Variants in TEF observed in about 807,000 individuals in gnomAD.
TEF encodes the protein thyrotroph embryonic factor.
Under a neutral mutation model 20.8 loss-of-function variants are expected in TEF, and 3 were observed. That is an observed-to-expected ratio of 0.14 (90% CI 0.07 to 0.37). The LOEUF is 0.37. Ranked by LOEUF, TEF falls within the 10% of genes least tolerant of loss-of-function variation. TEF has a pLI of 1.00. For missense variants in TEF, 296 were observed against 397.9 expected (o/e 0.74, Z 2.18); for synonymous variants, 180 against 171.1 (o/e 1.05, Z -0.41).
At chr22:41,367,696 C>A in intron 1 of TEF, 2 of 1,260,522 alleles carry the variant, frequency 1.6e-6, no homozygotes, top group Admixed American at 2.1e-5. Flanking sequence ...CATCTCCAAG[C>A]CAGGGAGGGT....
At position 41,387,331 on chromosome 22, in the gene TEF, C is replaced by A; in HGVS notation, c.158-20C>A. On this transcript the variant is annotated intron_variant, in intron 1 of 3. Transcript: ENST00000266304. Reference sequence around the variant, plus strand: ...GTTACTCTCCTGTGTGGTATTTCATCGCAGATTTTGTTTCTGCAGATAAGG... The same window carrying A: ...GTTACTCTCCTGTGTGGTATTTCATAGCAGATTTTGTTTCTGCAGATAAGG... The A allele has an allele frequency of 6.2e-7, 1 of 1,612,994 alleles. No individual in the cohort carries two copies. Among genetic ancestry groups the A allele is most frequent in the Non-Finnish European group, 8.5e-7 (1 of 1,179,276 alleles).
chr22:41,379,752 G>A (rs1476653044), upstream of TEF, among the ~76,000 whole-genome samples: 2 of 150,282 alleles, frequency 1.3e-5, no homozygotes, highest in African/African-American at 4.9e-5. Flanking sequence ...AATTAGCCGG[G>A]CGTGGTGACG....
At chr22:41,371,201 A>C (rs2036878975) in intron 1 of TEF, among the ~76,000 whole-genome samples, 1 of 152,106 alleles carries the variant, frequency 6.6e-6, no homozygotes, top group South Asian at 2.1e-4. Flanking sequence ...TATACCCTAT[A>C]CTTCCCTCTC....
At chr22:41,381,901 G>A (rs997443338), upstream of TEF, 461 of 1,226,152 alleles carry the variant, frequency 3.8e-4, no homozygotes, top group Non-Finnish European at 4.6e-4. Context: ...CCGCAGGCGG[G>A]GTAGCGATGG....
At chr22:41,391,873 G>A (rs1173769524) in intron 2 of TEF, among the ~76,000 whole-genome samples, 3 of 152,088 alleles carry the variant, frequency 2.0e-5, no homozygotes, top group South Asian at 4.1e-4. Flanking sequence ...CACACGCCTC[G>A]GCCTCCCAGA....
upstream of TEF, among the ~76,000 whole-genome samples, chr22:41,378,429 T>C (rs2036974932): frequency 1.4e-5 from 2 of 144,924 alleles, no homozygotes; most frequent in Admixed American, 1.4e-4. Flanking sequence ...CACTGCAAGC[T>C]CCGCCTCCCG....
intron 3 of TEF, 79 bp downstream of exon 3, chr22:41,394,395 T>C: frequency 7.3e-7 from 1 of 1,360,790 alleles, no homozygotes. Flanking sequence ...CATTTGATTT[T>C]ATCTGGAGAG....
chr22:41,368,641 A>G (rs1314513729), intron 1 of TEF, among the ~76,000 whole-genome samples: 4 of 152,184 alleles, frequency 2.6e-5, no homozygotes, highest in Non-Finnish European at 4.4e-5. Flanking sequence ...TTCTAGCCCC[A>G]GGGAGACATT....
chr22:41,380,908 T>C (rs1601816784), upstream of TEF, among the ~76,000 whole-genome samples: 1 of 152,312 alleles, frequency 6.6e-6, no homozygotes, highest in Non-Finnish European at 1.5e-5. Context: ...AGGAAAAGAA[T>C]TTCACATCTG....
chr22:41,370,709 G>C (rs2036874307), intron 1 of TEF, among the ~76,000 whole-genome samples: 2 of 152,188 alleles, frequency 1.3e-5, no homozygotes, highest in Non-Finnish European at 2.9e-5. Flanking sequence ...ACTGCACCCA[G>C]CCTCATTCCG....
rs566897461 is a variant in TEF, at chr22:41,397,091, G to A, written c.*1131G>A. ...AGGATCTCTCCCATGCGAGCTGCCC[G>A]GAGGGTGTCAGCAGGGCAAGACACC... On this transcript the variant is annotated 3_prime_UTR_variant, in exon 4 of 4. Transcript: ENST00000266304. 3.0e-5 allele frequency: 12 copies of A among 398,718 alleles called. No individual in the cohort carries two copies. The highest frequency in any genetic ancestry group is 1.4e-4 in the African/African-American group (7 of 48,726). The allele number at this position is 398,718 out of a possible 1,614,324, so 24.7% of individuals were successfully genotyped here. A position where few individuals can be genotyped will look rare whatever the true frequency, so the allele number is the denominator to read the frequency against.
intron 2 of TEF, among the ~76,000 whole-genome samples, chr22:41,390,012 G>T (rs2037147498): frequency 6.6e-6 from 1 of 151,588 alleles, no homozygotes; most frequent in Non-Finnish European, 1.5e-5. Context: ...CGATTCTCCT[G>T]CCTCAGCCTC....
At chr22:41,395,613 C>T (rs1443470248) in intron 3 of TEF, 132 bp from the exon 4 acceptor site, 1 of 879,652 alleles carries the variant, frequency 1.1e-6, no homozygotes, top group Non-Finnish European at 1.8e-6. Flanking sequence ...GTTTGTGCTG[C>T]TCCCTCCCTG....
intron 2 of TEF, among the ~76,000 whole-genome samples, chr22:41,393,202 G>C (rs9623389): frequency 2.0e-5 from 3 of 151,730 alleles, no homozygotes; most frequent in Non-Finnish European, 4.4e-5. Flanking sequence ...TTAGCCAGGC[G>C]TGTTGGTGTG....
intron 1 of TEF, among the ~76,000 whole-genome samples, chr22:41,373,956 G>A (rs925159909): frequency 5.9e-5 from 9 of 151,706 alleles, no homozygotes; most frequent in African/African-American, 2.2e-4. Flanking sequence ...TACAGACAGG[G>A]TTTCACTATG....
At chr22:41,381,247 C>T (rs970607217), upstream of TEF, among the ~76,000 whole-genome samples, 3 of 152,244 alleles carry the variant, frequency 2.0e-5, no homozygotes, top group Non-Finnish European at 4.4e-5. Context: ...AGCTCAGCGT[C>T]CCTGCCCCGC....
intron 1 of TEF, chr22:41,370,022 GAA>G (rs2036862961): frequency 1.0e-6 from 1 of 985,408 alleles, no homozygotes; most frequent in Non-Finnish European, 1.2e-6. Context: ...AAGTGTACAG[GAA>G]AGTCTGCGGA....
chr22:41,387,244 A>T, intron 1 of TEF, 107 bp from the exon 2 acceptor site: 1 of 1,228,182 alleles, frequency 8.1e-7, no homozygotes, highest in South Asian at 1.4e-5. Context: ...ATGGGTTGGA[A>T]TCGGGGCTCT....
chr22:41,381,501 G>T (rs1251195440), upstream of TEF, among the ~76,000 whole-genome samples: 1 of 152,214 alleles, frequency 6.6e-6, no homozygotes, highest in Non-Finnish European at 1.5e-5. Flanking sequence ...CGCTTTGGCC[G>T]GCCTGGCCGC....
Sources: gnomAD v4.1 joint callset for allele counts (sites outside exome capture counted in the v4.1 genomes callset) on GRCh38, gnomAD v4.1.1 for gene constraint, MANE v1.5 for transcripts, NCBI Gene and HGNC (gene_info 2026-07-23, HGNC 2026-07-21) for gene names.